The following NR3C1 variants were observed in gnomAD, a reference collection of about 807,000 sequenced individuals.
The protein encoded by NR3C1 is glucocorticoid receptor.
A neutral mutation model predicts 74.0 loss-of-function variants in NR3C1; 14 were observed. That is an observed-to-expected ratio of 0.19 (90% CI 0.12 to 0.30). The LOEUF (loss-of-function observed/expected upper bound fraction) is 0.30. Among genes scored for constraint, NR3C1 ranks in the 10% least tolerant of loss-of-function variants. NR3C1 has a pLI of 1.00. For missense variants in NR3C1, 695 were observed against 909.8 expected, an observed-to-expected ratio of 0.76 and a Z score of 3.04; for synonymous variants, 308 against 332.5, an observed-to-expected ratio of 0.93 and a Z score of 0.80.
chr5:143,376,993 G>A (rs1317225755), intron 2 of NR3C1, among the ~76,000 whole-genome samples: 1 of 152,130 alleles, frequency 6.6e-6, no homozygotes, highest in African/African-American at 2.4e-5. Context: ...ATGTGAAGTA[G>A]GTGCTGTGAT....
chr5:143,321,149 G>GA (rs1823282729), intron 2 of NR3C1, among the ~76,000 whole-genome samples: 1 of 152,194 alleles, frequency 6.6e-6, no homozygotes, highest in East Asian at 1.9e-4. Context: ...TGTCTTCAGA[G>GA]AAGGCAAGAA....
chr5:143,375,404 C>A (rs1835009475), intron 2 of NR3C1, among the ~76,000 whole-genome samples: 1 of 152,078 alleles, frequency 6.6e-6, no homozygotes, highest in African/African-American at 2.4e-5. Context: ...ACTATAGTAG[C>A]TACAAAAGAG....
Position 143,400,113 on chromosome 5 carries a change from C to T in NR3C1, c.727G>A (p.Glu243Lys). The part of the protein sequence containing the change: ...DSFLLEGNSN[E>K]DCKPLILPDT... Reference sequence around the variant, plus strand: ...GGTAAAATGAGAGGCTTGCAGTCCTCATTCGAGTTTCCTTCCAAAAGGAAT... The same window carrying T: ...GGTAAAATGAGAGGCTTGCAGTCCTTATTCGAGTTTCCTTCCAAAAGGAAT... The change falls in exon 2 of 9, where the codon GAG becomes AAG. Residue 243 changes from glutamate to lysine, a missense_variant. Glu to Lys is a moderately conservative substitution (Grantham distance 56, BLOSUM62 1). This residue lies in a region of NR3C1 where 497 missense variants were observed against 489.5 expected (regional missense o/e 1.02). Transcript: ENST00000394464. 1 of 1,614,240 alleles carries T rather than the reference C, an allele frequency of 6.2e-7. No individual in the cohort carries two copies. The highest frequency in any genetic ancestry group is 8.5e-7 in the Non-Finnish European group (1 of 1,180,044).
At position 143,278,125 on chromosome 5, in the gene NR3C1, G is replaced by C. The variant is rs1193743288; in HGVS notation, c.*3764C>G. 6.6e-6 allele frequency: 1 copy of C among 151,930 alleles called. No individual in the cohort carries two copies. The highest frequency in any genetic ancestry group is 1.5e-5 in the Non-Finnish European group (1 of 67,972). The allele number at this position is 151,930 out of a possible 1,614,324, so 9.4% of individuals were successfully genotyped here. A position where few individuals can be genotyped will look rare whatever the true frequency, so the allele number is the denominator to read the frequency against. On this transcript the variant is annotated 3_prime_UTR_variant, in exon 9 of 9. Coordinates refer to ENST00000394464, the MANE Select transcript of NR3C1 (RefSeq NM_000176.3). ...TGACATTTCACTGCGTAGGTAAAAA[G>C]ACACTTTTTTTTTAACTACAGATTA... is the stretch of plus-strand genomic sequence containing the variant.
At chr5:143,369,469 T>G (rs778895936) in intron 2 of NR3C1, among the ~76,000 whole-genome samples, 2 of 152,130 alleles carry the variant, frequency 1.3e-5, no homozygotes, top group African/African-American at 2.4e-5. Flanking sequence ...AAGGAGTGGA[T>G]AGACAAAATA....
upstream of NR3C1, among the ~76,000 whole-genome samples, chr5:143,408,089 A>G (rs555781835): frequency 1.3e-5 from 2 of 152,356 alleles, no homozygotes; most frequent in East Asian, 1.9e-4. Context: ...TTTATTTTCT[A>G]ATCTTTTGAT....
At chr5:143,373,613 TA>T (rs200040252) in intron 2 of NR3C1, among the ~76,000 whole-genome samples, 37 of 143,476 alleles carry the variant, frequency 2.6e-4, no homozygotes, top group East Asian at 8.1e-4. Flanking sequence ...AAGTATAATA[TA>T]AAAAAAAAAG....
rs754373042 is a variant in NR3C1 at position 143,392,431 on chromosome 5, G to A, written c.1184+7225C>T. Among the ~76,000 whole-genome samples the A allele has an allele frequency of 4.6e-5, 7 of 152,118 alleles. No homozygotes were observed. The South Asian group carries it at 6.2e-4, about 14-fold the overall frequency. ...TCCTTTATATTTTATTTAAAGATTC[G>A]CTGTTGACAAAAATTATTAAAGATA... On this transcript the variant is annotated intron_variant, in intron 2 of 8. Coordinates refer to ENST00000394464, the MANE Select transcript of NR3C1 (RefSeq NM_000176.3).
At chr5:143,353,093 A>C (rs1199477902) in intron 2 of NR3C1, among the ~76,000 whole-genome samples, 1 of 152,200 alleles carries the variant, frequency 6.6e-6, no homozygotes, top group Non-Finnish European at 1.5e-5. Flanking sequence ...CTTCACCAGG[A>C]GTAGATTCCA....
chr5:143,332,351 C>T (rs1470885693), intron 2 of NR3C1, among the ~76,000 whole-genome samples: 3 of 137,110 alleles, frequency 2.2e-5, no homozygotes, highest in Non-Finnish European at 4.6e-5. Flanking sequence ...CTGTAAGAAC[C>T]ACACTGTGGA....
chr5:143,358,900 C>CA (rs200756825), intron 2 of NR3C1, among the ~76,000 whole-genome samples: 5,850 of 131,344 alleles, frequency 0.045, 166 homozygotes, highest in Non-Finnish European at 0.056. Flanking sequence ...AACTCCATTT[C>CA]AAAAAAAAAA....
At chr5:143,301,328 TCTACCA>T (rs1375638314) in intron 4 of NR3C1, among the ~76,000 whole-genome samples, 2 of 152,134 alleles carry the variant, frequency 1.3e-5, no homozygotes, top group Non-Finnish European at 2.9e-5. Context: ...TAGTATTAGT[TCTACCA>T]GTAGAAAAAA....
At chr5:143,389,883 A>G (rs933774439) in intron 2 of NR3C1, 1 of 932,108 alleles carries the variant, frequency 1.1e-6, no homozygotes, top group Non-Finnish European at 1.3e-6. Flanking sequence ...ATTACCTGCC[A>G]TGCTAGGATG....
intron 2 of NR3C1, among the ~76,000 whole-genome samples, chr5:143,324,881 T>C (rs950608263): frequency 6.6e-6 from 1 of 152,312 alleles, no homozygotes; most frequent in East Asian, 1.9e-4. Flanking sequence ...GCCAGTCTTT[T>C]TGCTAAAACA....
chr5:143,337,005 A>G (rs1600088071), intron 2 of NR3C1, among the ~76,000 whole-genome samples: 1 of 152,072 alleles, frequency 6.6e-6, no homozygotes, highest in South Asian at 2.1e-4. Context: ...ATATACATAT[A>G]TATATATACA....
chr5:143,423,415 C>A (rs1171339387), intron 1 of NR3C1, among the ~76,000 whole-genome samples: 1 of 152,126 alleles, frequency 6.6e-6, no homozygotes, highest in Non-Finnish European at 1.5e-5. Flanking sequence ...CATCTCATCC[C>A]AGTGAAAATT....
At chr5:143,383,626 G>A (rs1482849585) in intron 2 of NR3C1, among the ~76,000 whole-genome samples, 1 of 152,106 alleles carries the variant, frequency 6.6e-6, no homozygotes, top group African/African-American at 2.4e-5. Context: ...CAAAATAAGT[G>A]GCACTAAATT....
rs758204506 is a variant in NR3C1 at position 143,339,667 on chromosome 5, G to C, written c.1185-25499C>G. Reference sequence around the variant, plus strand: ...TGTTCTGATCTCTGTCCTGAAGCTAGAAGCTCTCCCCTTCCTTTCACCCTA... The same window carrying C: ...TGTTCTGATCTCTGTCCTGAAGCTACAAGCTCTCCCCTTCCTTTCACCCTA... On this transcript the variant is annotated intron_variant, in intron 2 of 8. Transcript: ENST00000394464. 2.0e-5 allele frequency among the ~76,000 whole-genome samples: 3 copies of C among 152,160 alleles called. No individual in the cohort carries two copies. In the South Asian group the frequency reaches 6.2e-4, roughly 32 times the overall value.
chr5:143,309,760 C>T (rs953455946), intron 4 of NR3C1, among the ~76,000 whole-genome samples: 1 of 152,028 alleles, frequency 6.6e-6, no homozygotes, highest in African/African-American at 2.4e-5. Flanking sequence ...ACATTTCCAA[C>T]CCTAGGGAAT....
Sources: allele counts gnomAD v4.1 joint callset (sites outside exome capture counted in the v4.1 genomes callset), GRCh38; gene constraint gnomAD v4.1.1; regional missense constraint gnomAD v4.1.1; transcripts MANE v1.5; gene names NCBI Gene and HGNC (gene_info 2026-07-23, HGNC 2026-07-21).